PTK2: variants seen among roughly 807,000 people sequenced by gnomAD.
PTK2 encodes the protein protein tyrosine kinase 2.
A neutral mutation model predicts 150.1 loss-of-function variants in PTK2; 45 were observed. The ratio of observed to expected loss-of-function variants is 0.30; its 90% CI spans 0.24 to 0.38. The LOEUF (loss-of-function observed/expected upper bound fraction) is 0.38. Among genes scored for constraint, PTK2 ranks in the 10% least tolerant of loss-of-function variants. The pLI, the probability that PTK2 is intolerant of heterozygous loss-of-function variation, is 1.00. For synonymous variants in PTK2, 432 were observed against 449.2 expected (o/e 0.96, Z 0.48); for missense variants, 919 against 1,307.3 (o/e 0.70, Z 4.58).
intron 11 of PTK2, among the ~76,000 whole-genome samples, chr8:140,801,995 T>C (rs2100095342): frequency 6.6e-6 from 1 of 152,142 alleles, no homozygotes; most frequent in African/African-American, 2.4e-5. Flanking sequence ...CATACGATTA[T>C]GTACAGCACA....
At chr8:140,906,280 G>A (rs2100160839) in intron 2 of PTK2, among the ~76,000 whole-genome samples, 1 of 152,100 alleles carries the variant, frequency 6.6e-6, no homozygotes, top group Non-Finnish European at 1.5e-5. Flanking sequence ...GGAATGTAAA[G>A]TAGTATAGCC....
chr8:140,927,975 A>AAAAAAAAAAAAAAAAAAAAAAAT, intron 1 of PTK2, among the ~76,000 whole-genome samples: 1 of 48,196 alleles, frequency 2.1e-5, no homozygotes. Context: ...AAAAAAAAAA[A>AAAAAAAAAAAAAAAAAAAAAAAT]ATATATATAT....
chr8:140,686,645 C>G, exon 27 of PTK2: 1 of 1,613,898 alleles, frequency 6.2e-7, no homozygotes, highest in Admixed American at 1.7e-5. Flanking sequence ...ACCCTGAAGA[C>G]TTCCATCCTC....
At chr8:140,837,203 C>A (rs998703227) in intron 7 of PTK2, among the ~76,000 whole-genome samples, 3 of 152,112 alleles carry the variant, frequency 2.0e-5, no homozygotes, top group Non-Finnish European at 2.9e-5. Context: ...GTTGTGTGAG[C>A]CCACAGGAAG....
intron 7 of PTK2, among the ~76,000 whole-genome samples, chr8:140,830,764 G>T (rs1424701658): frequency 1.3e-5 from 2 of 152,148 alleles, no homozygotes; most frequent in South Asian, 2.1e-4. Flanking sequence ...AATCCTTTTG[G>T]TTTTTTCTTT....
At position 140,933,372 on chromosome 8, in the gene PTK2, T is replaced by C. The variant is rs529459944; in HGVS notation, c.-121-7623A>G. On this transcript the variant is annotated intron_variant, in intron 1 of 31. Coordinates refer to ENST00000522684, the Ensembl canonical transcript of PTK2. ...AAACCACAGAAGTTCAGCTGATCTT[T>C]TGCATTTACTTTTACCTTTGGTATG... Among the ~76,000 whole-genome samples, 4 of 152,314 alleles carry C rather than the reference T, an allele frequency of 2.6e-5. No individual in the cohort carries two copies. The South Asian group carries it at 6.2e-4, about 24-fold the overall frequency.
intron 22 of PTK2, among the ~76,000 whole-genome samples, chr8:140,719,985 C>A (rs762900721): frequency 1.9e-4 from 29 of 151,658 alleles, no homozygotes; most frequent in Admixed American, 1.1e-3. Context: ...GTGATGAGCA[C>A]TAGAGAAGAG....
chr8:140,872,269 TCA>T (rs1491141117), intron 4 of PTK2, among the ~76,000 whole-genome samples: 2 of 151,898 alleles, frequency 1.3e-5, no homozygotes, highest in African/African-American at 2.4e-5. Flanking sequence ...GGTCTTGAAC[TCA>T]CAGTCTCAAG....
chr8:140,839,644 A>T (rs2100121089), intron 7 of PTK2, among the ~76,000 whole-genome samples: 1 of 152,234 alleles, frequency 6.6e-6, no homozygotes, highest in South Asian at 2.1e-4. Context: ...TAAGAGAATT[A>T]AAGAATTATA....
At position 140,743,167 on chromosome 8, in the gene PTK2, C is replaced by G. The variant is rs1437024542; in HGVS notation, c.1735+63G>C. 1.1e-5 allele frequency: 13 copies of G among 1,135,840 alleles called. No homozygotes were observed. The South Asian group carries it at 1.3e-4, about 12-fold the overall frequency. The allele number at this position is 1,135,840 out of a possible 1,614,324, so 70.4% of individuals were successfully genotyped here. ...GATCAGGTGAGCATATTAGAACATA[C>G]TGTTTTTAGAAATACGTTAAAGATT... On this transcript the variant is annotated intron_variant, in intron 20 of 31. Coordinates refer to ENST00000522684, the Ensembl canonical transcript of PTK2.
At chr8:140,942,407 T>C (rs1378506286) in intron 1 of PTK2, among the ~76,000 whole-genome samples, 1 of 152,260 alleles carries the variant, frequency 6.6e-6, no homozygotes, top group East Asian at 1.9e-4. Context: ...CTGCTAATTA[T>C]ATGACCTTTA....
chr8:140,877,622 T>G (rs1425242857), intron 4 of PTK2, among the ~76,000 whole-genome samples: 1 of 152,074 alleles, frequency 6.6e-6, no homozygotes, highest in Non-Finnish European at 1.5e-5. Flanking sequence ...AGTCCCTGGC[T>G]CAGCCACTTA....
chr8:140,903,360 T>G (rs1045371424), intron 2 of PTK2, among the ~76,000 whole-genome samples: 2 of 152,050 alleles, frequency 1.3e-5, no homozygotes, highest in African/African-American at 4.8e-5. Context: ...ACCAGTACCA[T>G]AATATCTGTT....
intron 2 of PTK2, chr8:140,892,574 T>G: frequency 2.2e-6 from 1 of 451,478 alleles, no homozygotes; most frequent in South Asian, 1.7e-5. Flanking sequence ...GAGCCAACCC[T>G]CTGTTGGTAT....
chr8:140,916,159 G>A (rs982449702), intron 2 of PTK2, among the ~76,000 whole-genome samples: 4 of 152,214 alleles, frequency 2.6e-5, no homozygotes, highest in African/African-American at 9.6e-5. Context: ...CATCTGTTGA[G>A]AGAACCAGAA....
intron 11 of PTK2, among the ~76,000 whole-genome samples, chr8:140,801,260 G>C (rs1350360818): frequency 6.6e-6 from 1 of 152,156 alleles, no homozygotes; most frequent in Non-Finnish European, 1.5e-5. Context: ...CTGGTGTGCT[G>C]ATGGAAACAG....
intron 8 of PTK2, chr8:140,821,575 T>C (rs976797125): frequency 3.3e-5 from 5 of 152,204 alleles, no homozygotes; most frequent in Admixed American, 6.5e-5. Flanking sequence ...AAGGAGACAT[T>C]TGGATCTAAG....
chr8:140,998,832 A>C (rs1051084043), intron 1 of PTK2, among the ~76,000 whole-genome samples: 7 of 152,080 alleles, frequency 4.6e-5, no homozygotes, highest in African/African-American at 7.2e-5. Context: ...AAAAAAAAAA[A>C]AAAAACTATT....
chr8:140,720,978 A>G (rs2100042598), intron 22 of PTK2, among the ~76,000 whole-genome samples: 1 of 151,892 alleles, frequency 6.6e-6, no homozygotes, highest in Non-Finnish European at 1.5e-5. Context: ...GCTGCTCTCA[A>G]ACTCCTGACC....
Sources: gnomAD v4.1 joint callset for allele counts (sites outside exome capture counted in the v4.1 genomes callset) on GRCh38, gnomAD v4.1.1 for gene constraint, MANE v1.5 for transcripts, NCBI Gene and HGNC (gene_info 2026-07-23, HGNC 2026-07-21) for gene names.